BLNK: variants seen among roughly 807,000 people sequenced by gnomAD.
BLNK encodes the protein B-cell linker protein.
In BLNK, 29 loss-of-function variants were observed where a neutral mutation model predicts 73.5. The ratio of observed to expected loss-of-function variants is 0.39; its 90% CI spans 0.29 to 0.54. The LOEUF (loss-of-function observed/expected upper bound fraction) is 0.54, where lower values mean the gene tolerates loss of function less well. BLNK is among the 20% of genes least tolerant of loss of function. The pLI, the probability that BLNK is intolerant of heterozygous loss-of-function variation, is 0.61. For synonymous variants in BLNK, 176 were observed against 200.8 expected, an observed-to-expected ratio of 0.88 and a Z score of 1.04; for missense variants, 460 against 562.8, an observed-to-expected ratio of 0.82 and a Z score of 1.85.
chr10:96,253,982 C>T (rs1164596951), intron 1 of BLNK, among the ~76,000 whole-genome samples: 1 of 150,594 alleles, frequency 6.6e-6, no homozygotes, highest in African/African-American at 2.4e-5. Context: ...GATCGTGCCA[C>T]TGCACTCCAG....
At chr10:96,219,912 A>T (rs1347204142) in intron 6 of BLNK, among the ~76,000 whole-genome samples, 2 of 152,222 alleles carry the variant, frequency 1.3e-5, no homozygotes, top group Non-Finnish European at 2.9e-5. Context: ...GGAAAACGCT[A>T]CCTGTGACTA....
chr10:96,271,548 C>G lies in BLNK; in HGVS notation c.-150G>C. The stretch of plus-strand genomic sequence containing the variant: ...TCTGAGAGTGCAGGCTGCTGGCAAA[C>G]ACCCCTGCTCTAGGGAGAAGTAAAA... On this transcript the variant is annotated 5_prime_UTR_variant, in exon 1 of 17. Transcript: ENST00000224337. 1.3e-6 allele frequency: 1 copy of G among 765,062 alleles called. No individual in the cohort carries two copies. Among genetic ancestry groups the G allele is most frequent in the African/African-American group, 1.7e-5 (1 of 58,076 alleles). The allele number at this position is 765,062 out of a possible 1,614,324, so 47.4% of individuals were successfully genotyped here.
Position 96,191,526 on chromosome 10 carries a change from T to C in BLNK, c.*447A>G, listed in dbSNP as rs2083329736. ...ACTTACAGATATCATACATTACCTT[T>C]AATACCTTATTTTCTACAAATTAAA... On this transcript the variant is annotated 3_prime_UTR_variant, in exon 17 of 17. Coordinates refer to ENST00000224337, the MANE Select transcript of BLNK (RefSeq NM_013314.4). Among the ~76,000 whole-genome samples the C allele has an allele frequency of 6.6e-6, 1 of 152,160 alleles. No homozygotes were observed. The highest frequency in any genetic ancestry group is 1.5e-5 in the Non-Finnish European group (1 of 68,020).
chr10:96,226,998 C>T (rs907014872), intron 5 of BLNK, among the ~76,000 whole-genome samples: 2 of 152,102 alleles, frequency 1.3e-5, no homozygotes, highest in Admixed American at 6.5e-5. Flanking sequence ...CTGGGATCCT[C>T]GAAGGTCATT....
chr10:96,217,598 T>G (rs1228531411), intron 6 of BLNK, among the ~76,000 whole-genome samples: 1 of 152,210 alleles, frequency 6.6e-6, no homozygotes, highest in Non-Finnish European at 1.5e-5. Flanking sequence ...TGTCAATTTT[T>G]GTATATTCTT....
Position 96,189,779 on chromosome 10 carries a change from C to A in BLNK, c.*2194G>T. The A allele has an allele frequency of 1.2e-6, 1 of 847,114 alleles. No individual in the cohort carries two copies. The highest frequency in any genetic ancestry group is 1.8e-5 in the Admixed American group (1 of 56,756). 52.5% of individuals were successfully genotyped at this position (847,114 alleles called of 1,614,324 possible). On this transcript the variant is annotated 3_prime_UTR_variant, in exon 17 of 17. Coordinates refer to ENST00000224337, the MANE Select transcript of BLNK (RefSeq NM_013314.4). ...ACTTTTATTCTCTGGAATCTTGCTACCACCTCCAGGGACAGATCACTTTCC... is the reference window on the plus strand; with the variant it reads ...ACTTTTATTCTCTGGAATCTTGCTAACACCTCCAGGGACAGATCACTTTCC...
In BLNK at chr10:96,191,622, T is replaced by C. The variant is rs889988892; in HGVS notation, c.*351A>G. 3 of 218,700 alleles carry C rather than the reference T, an allele frequency of 1.4e-5. No homozygotes were observed. Among genetic ancestry groups the C allele is most frequent in the East Asian group, 1.3e-4 (1 of 7,768 alleles). The allele number at this position is 218,700 out of a possible 1,614,324, so 13.5% of individuals were successfully genotyped here. A position where few individuals can be genotyped will look rare whatever the true frequency, so the allele number is the denominator to read the frequency against. On this transcript the variant is annotated 3_prime_UTR_variant, in exon 17 of 17. Coordinates refer to ENST00000224337, the MANE Select transcript of BLNK (RefSeq NM_013314.4). ...AGCTACATTAGTGTACCAATGATCA[T>C]TGTGGAGGTTTAAATTTCCAGCCAC...
chr10:96,246,867 T>A, intron 2 of BLNK, 117 bp downstream of exon 2: 1 of 723,272 alleles, frequency 1.4e-6, no homozygotes, highest in South Asian at 1.8e-5. Flanking sequence ...TAAAGAAGGG[T>A]TACGTGCTAA....
At chr10:96,207,988 A>G in intron 9 of BLNK, 89 bp from the exon 10 acceptor site, 1 of 1,388,816 alleles carries the variant, frequency 7.2e-7, no homozygotes, top group Non-Finnish European at 1.0e-6. Context: ...AATTTAAGCT[A>G]GAATTATGAA....
At chr10:96,211,390 C>T (rs2083945101) in intron 8 of BLNK, among the ~76,000 whole-genome samples, 1 of 152,144 alleles carries the variant, frequency 6.6e-6, no homozygotes, top group African/African-American at 2.4e-5. Flanking sequence ...TCTGCCCTCT[C>T]AGAATTTATA....
intron 6 of BLNK, among the ~76,000 whole-genome samples, chr10:96,218,956 G>T (rs188007856): frequency 3.7e-4 from 56 of 152,326 alleles, no homozygotes; most frequent in African/African-American, 9.1e-4. Flanking sequence ...GAATCATACA[G>T]ACCTGGGAGG....
chr10:96,208,025 C>A lies in BLNK; in HGVS notation c.747-126G>T, dbSNP rs1448594280. The A allele has an allele frequency of 2.1e-5, 21 of 1,022,208 alleles. No individual in the cohort carries two copies. In the Admixed American group the frequency reaches 3.6e-4, roughly 18 times the overall value. 63.3% of individuals were successfully genotyped at this position (1,022,208 alleles called of 1,614,324 possible). A position where few individuals can be genotyped will look rare whatever the true frequency, so the allele number is the denominator to read the frequency against. On this transcript the variant is annotated intron_variant, in intron 9 of 16. Transcript: ENST00000224337. ...GCGATACAAGTGTGTAGAAGACTATCCTTGCAGGGTGGAGAGGGATGGAAG... is the reference window on the plus strand; with the variant it reads ...GCGATACAAGTGTGTAGAAGACTATACTTGCAGGGTGGAGAGGGATGGAAG...
In BLNK at chr10:96,232,918, G is replaced by A. The variant is rs587721707; in HGVS notation, c.164-2084C>T. Among the ~76,000 whole-genome samples, 52 of 148,118 alleles carry A rather than the reference G, an allele frequency of 3.5e-4. 3 individuals carry two copies. The highest frequency in any genetic ancestry group is 1.0e-3 in the African/African-American group (38 of 37,992). ...CAGCCTCAACCTCCTTGGTGCAAGC[G>A]ATCCTGCTACCTCAGCCTCCTGAGT... On this transcript the variant is annotated intron_variant, in intron 3 of 16. Coordinates refer to ENST00000224337, the MANE Select transcript of BLNK (RefSeq NM_013314.4).
intron 1 of BLNK, among the ~76,000 whole-genome samples, chr10:96,260,912 C>T (rs1554912592): frequency 6.6e-6 from 1 of 151,462 alleles, no homozygotes; most frequent in Non-Finnish European, 1.5e-5. Context: ...GGCGTTATCT[C>T]GGCTCACTAA....
At chr10:96,256,321 T>C (rs1047205080) in intron 1 of BLNK, among the ~76,000 whole-genome samples, 10 of 152,222 alleles carry the variant, frequency 6.6e-5, no homozygotes, top group Non-Finnish European at 1.3e-4. Flanking sequence ...AATGCATCCA[T>C]GAATACTTTT....
At chr10:96,203,606 ATTTGC>A (rs1351666714) in intron 13 of BLNK, 11 of 152,996 alleles carry the variant, frequency 7.2e-5, no homozygotes, top group Admixed American at 3.3e-4. Flanking sequence ...TTATCCAGAT[ATTTGC>A]CGTATCTTCT....
At chr10:96,192,223 A>T in intron 16 of BLNK, 131 bp from the exon 17 acceptor site, 1 of 1,299,700 alleles carries the variant, frequency 7.7e-7, no homozygotes, top group Non-Finnish European at 1.1e-6. Flanking sequence ...GCACAAAAAA[A>T]TCTAGTTTAA....
At chr10:96,210,808 T>G (rs2083927796) in intron 8 of BLNK, among the ~76,000 whole-genome samples, 1 of 151,480 alleles carries the variant, frequency 6.6e-6, no homozygotes, top group Admixed American at 6.6e-5. Flanking sequence ...TTAACTTAAC[T>G]GAACTGAATA....
rs782554120 is a variant in BLNK at position 96,209,904 on chromosome 10, C to T, written c.680G>A (p.Arg227Gln). 22 of 1,614,070 alleles carry T rather than the reference C, an allele frequency of 1.4e-5. 1 individual carries two copies. The highest frequency in any genetic ancestry group is 7.7e-5 in the South Asian group (7 of 91,092). The stretch of plus-strand genomic sequence containing the variant: ...CTTGGTTTCCCAGGCCCCACTGTTT[C>T]GACCTGCACAAACATATACACTACT... The part of the protein sequence containing the change: ...PASPPGTASG[R>Q]NSGAWETKSP... The change falls in exon 9 of 17, where the codon CGA becomes CAA. Residue 227 changes from arginine to glutamine, a missense_variant. Around this residue, in one of 3 missense-constraint regions of BLNK, gnomAD observed 233 missense variants for 232.1 expected, o/e 1.00. Transcript: ENST00000224337.
Sources: allele counts gnomAD v4.1 joint callset (sites outside exome capture counted in the v4.1 genomes callset), GRCh38; gene constraint gnomAD v4.1.1; regional missense constraint gnomAD v4.1.1; transcripts MANE v1.5; gene names NCBI Gene and HGNC (gene_info 2026-07-23, HGNC 2026-07-21).